The following CAMTA2 variants were observed in gnomAD, a reference collection of about 807,000 sequenced individuals.
CAMTA2 encodes the protein calmodulin binding transcription activator 2.
A neutral mutation model predicts 135.7 loss-of-function variants in CAMTA2; 56 were observed. That is an observed-to-expected ratio of 0.41 (90% CI 0.33 to 0.52). CAMTA2 has a LOEUF of 0.52. CAMTA2 is among the 20% of genes least tolerant of loss of function. CAMTA2 has a pLI of 0.16. For missense variants in CAMTA2, 1,358 were observed against 1,553.4 expected, an observed-to-expected ratio of 0.87 and a Z score of 2.11; for synonymous variants, 591 against 604.6, an observed-to-expected ratio of 0.98 and a Z score of 0.33.
intron 3 of CAMTA2, 64 bp from the exon 4 acceptor site, chr17:4,983,107 G>A (rs1364143185): frequency 1.6e-5 from 21 of 1,350,912 alleles, no homozygotes; most frequent in Non-Finnish European, 9.6e-6. Flanking sequence ...TGGCCTCTTG[G>A]TCATCCTGTC....
chr17:4,976,512 CAACATGGCG>C (rs1451504305), intron 11 of CAMTA2, among the ~76,000 whole-genome samples: 2 of 151,938 alleles, frequency 1.3e-5, no homozygotes, highest in Non-Finnish European at 2.9e-5. Flanking sequence ...CCAGCCTGGC[CAACATGGCG>C]AAACCTCATC....
At chr17:4,973,865 T>C in intron 12 of CAMTA2, 96 bp from the exon 13 acceptor site, 1 of 1,114,526 alleles carries the variant, frequency 9.0e-7, no homozygotes, top group Non-Finnish European at 1.3e-6. Context: ...CAGCTTCTAA[T>C]TTTGCCCCCT....
At position 4,969,015 on chromosome 17, in the gene CAMTA2, A is replaced by T; in HGVS notation, c.3471-34T>A. ...AGAAACAAAAGATGGACCTCACAGA[A>T]GGCATCGCATGCCTTCGGCCCCCCC... On this transcript the variant is annotated intron_variant, in intron 21 of 22. Coordinates refer to ENST00000348066, the MANE Select transcript of CAMTA2 (RefSeq NM_015099.4). The surrounding 1 kb of genome is among the most constrained non-coding windows in gnomAD (Gnocchi z 5.6). 1 of 1,608,790 alleles carries T rather than the reference A, an allele frequency of 6.2e-7. No homozygotes were observed. Among genetic ancestry groups the T allele is most frequent in the Admixed American group, 1.7e-5 (1 of 59,288 alleles).
At chr17:4,975,411 TAA>T (rs1170465680) in intron 11 of CAMTA2, among the ~76,000 whole-genome samples, 4 of 151,808 alleles carry the variant, frequency 2.6e-5, no homozygotes, top group South Asian at 4.2e-4. Context: ...GAAAGGACGA[TAA>T]AAGACAGGCA....
In CAMTA2 at chr17:4,980,536, G is replaced by A. The variant is rs575541552; in HGVS notation, c.786C>T (p.Thr262=). The A allele has an allele frequency of 3.2e-5, 51 of 1,613,698 alleles. No individual in the cohort carries two copies. The South Asian group carries it at 5.5e-4, about 17-fold the overall frequency. The change falls in exon 9 of 23, where the codon ACC becomes ACT. Residue 262 remains threonine, a synonymous_variant. Coordinates refer to ENST00000348066, the MANE Select transcript of CAMTA2 (RefSeq NM_015099.4). This position sits in a 1 kb window ranked among gnomAD's most constrained non-coding sequence, Gnocchi z 5.3. The part of the protein sequence containing the change: ...PKVEPRALTL[T]SIPHAHPPEP... ...CTGGGGGGTGAGCGTGGGGGATAGA[G>A]GTCAGGGTTAAAGCTCGGGGCTCCA...
chr17:4,969,115 G>T lies in CAMTA2; in HGVS notation c.3470+35C>A. On this transcript the variant is annotated intron_variant, in intron 21 of 22. Coordinates refer to ENST00000348066, the MANE Select transcript of CAMTA2 (RefSeq NM_015099.4). The surrounding 1 kb of genome is among the most constrained non-coding windows in gnomAD (Gnocchi z 5.6). ...AGTAAGGGGGAATGGCGTGGATGCAGTGGGTGGGCACAGAGGGCTGGGGCT... is the reference window on the plus strand; with the variant it reads ...AGTAAGGGGGAATGGCGTGGATGCATTGGGTGGGCACAGAGGGCTGGGGCT... 6.3e-7 allele frequency: 1 copy of T among 1,591,924 alleles called. No homozygotes were observed. Among genetic ancestry groups the T allele is most frequent in the Non-Finnish European group, 8.6e-7 (1 of 1,168,826 alleles).
intron 13 of CAMTA2, 94 bp downstream of exon 13, chr17:4,973,491 C>T: frequency 1.5e-6 from 2 of 1,332,776 alleles, no homozygotes; most frequent in South Asian, 2.6e-5. Context: ...CCAACTCCCT[C>T]TTGGTAGGGC....
intron 8 of CAMTA2, 65 bp downstream of exon 8, chr17:4,981,160 C>A: frequency 6.4e-7 from 1 of 1,570,414 alleles, no homozygotes; most frequent in South Asian, 1.2e-5. Flanking sequence ...TGGATATCCC[C>A]CTGGCTTGCG....
chr17:4,985,964 C>A lies in CAMTA2; in HGVS notation c.51G>T (p.Lys17Asn). The change falls in exon 3 of 23, where the codon AAG (lysine) becomes AAT (asparagine). Residue 17 changes from lysine (K) to asparagine (N), a missense_variant. Physicochemically the swap from Lys to Asn is moderately conservative, Grantham distance 94 (BLOSUM62 0). Transcript: ENST00000348066. The stretch of plus-strand genomic sequence containing the variant: ...CCAGCAGCTTCTTGGGGAGAAAGAT[C>A]TTCAGGTGGTGGCTGTTTTCTAAAG... ...TEVAENSHHL[K>N]IFLPKKLLEC... The A allele has an allele frequency of 6.2e-7, 1 of 1,613,764 alleles. No individual in the cohort carries two copies. The highest frequency in any genetic ancestry group is 8.5e-7 in the Non-Finnish European group (1 of 1,179,666).
Position 4,968,936 on chromosome 17 carries a change from G to T in CAMTA2, c.3516C>A (p.Ile1172=). ...GTCGGCAGCGCCGCAGGAATCTCAT[G>T]ATCTTCCGGGCTGCCTGGTCCTGCT... ...TKKQDQAARK[I]MRFLRRCRHR... Residue 1172 remains isoleucine, a synonymous_variant, in exon 22 of 23, where the codon ATC becomes ATA. Coordinates refer to ENST00000348066, the MANE Select transcript of CAMTA2 (RefSeq NM_015099.4). The T allele has an allele frequency of 6.2e-7, 1 of 1,614,170 alleles. No individual in the cohort carries two copies. Among genetic ancestry groups the T allele is most frequent in the East Asian group, 2.2e-5 (1 of 44,882 alleles).
Position 4,972,213 on chromosome 17 carries a change from C to T in CAMTA2, c.2808+19G>A, listed in dbSNP as rs767167987. On this transcript the variant is annotated intron_variant, in intron 16 of 22. Transcript: ENST00000348066. The stretch of plus-strand genomic sequence containing the variant: ...TACTCCACTTCTAGCCCCCATAACT[C>T]CATCAATATAAGCAGTACCGGGATC... 1.9e-6 allele frequency: 3 copies of T among 1,600,696 alleles called. No homozygotes were observed. Among genetic ancestry groups the T allele is most frequent in the Non-Finnish European group, 2.6e-6 (3 of 1,171,134 alleles).
chr17:4,978,054 A>G (rs1027431612), intron 10 of CAMTA2, among the ~76,000 whole-genome samples: 4 of 152,240 alleles, frequency 2.6e-5, no homozygotes, highest in African/African-American at 9.6e-5. Flanking sequence ...TGGCTACCAT[A>G]CTGGACAGCA....
intron 16 of CAMTA2, among the ~76,000 whole-genome samples, chr17:4,970,958 A>G (rs1972246596): frequency 6.6e-6 from 1 of 152,214 alleles, no homozygotes; most frequent in Admixed American, 6.5e-5. Context: ...GAATGGCTCC[A>G]GTCTGGCCTT....
chr17:4,983,106 G>A, intron 3 of CAMTA2, 63 bp from the exon 4 acceptor site: 3 of 1,376,638 alleles, frequency 2.2e-6, no homozygotes, highest in Admixed American at 1.7e-5. Context: ...CTGGCCTCTT[G>A]GTCATCCTGT....
intron 9 of CAMTA2, 70 bp from the exon 10 acceptor site, chr17:4,978,700 G>C (rs963708348): frequency 3.2e-6 from 5 of 1,549,782 alleles, no homozygotes; most frequent in Non-Finnish European, 4.4e-6. Context: ...CATTTATTCA[G>C]ACCCTTACAG....
In CAMTA2 at chr17:4,969,094, A is replaced by C; in HGVS notation, c.3470+56T>G. ...GGCATGATGATCAAGAGGATGAGTA[A>C]GGGGGAATGGCGTGGATGCAGTGGG... is the stretch of plus-strand genomic sequence containing the variant. On this transcript the variant is annotated intron_variant, in intron 21 of 22. Coordinates refer to ENST00000348066, the MANE Select transcript of CAMTA2 (RefSeq NM_015099.4). This position sits in a 1 kb window ranked among gnomAD's most constrained non-coding sequence, Gnocchi z 5.6. 1 of 1,583,232 alleles carries C rather than the reference A, an allele frequency of 6.3e-7. No individual in the cohort carries two copies. The highest frequency in any genetic ancestry group is 8.6e-7 in the Non-Finnish European group (1 of 1,160,200).
At position 4,969,978 on chromosome 17, in the gene CAMTA2, A is replaced by G. The variant is rs1972166662; in HGVS notation, c.3113T>C (p.Leu1038Pro). Residue 1038 changes from leucine to proline, a missense_variant, in exon 18 of 23, where the codon CTG (leucine) becomes CCG (proline). Coordinates refer to ENST00000348066, the MANE Select transcript of CAMTA2 (RefSeq NM_015099.4). This position sits in a 1 kb window ranked among gnomAD's most constrained non-coding sequence, Gnocchi z 5.6. ...CCGCTGCTCGTGATCTGATAGTGTC[A>G]GCAGGGCAAAATCACTTTCCATCTT... ...SGKMESDFAL[L>P]TLSDHEQREL... 6.2e-7 allele frequency: 1 copy of G among 1,614,056 alleles called. No homozygotes were observed. Among genetic ancestry groups the G allele is most frequent in the Non-Finnish European group, 8.5e-7 (1 of 1,180,022 alleles).
In CAMTA2 at chr17:4,969,130, G is replaced by A. The variant is rs770392542; in HGVS notation, c.3470+20C>T. 3 of 1,599,360 alleles carry A rather than the reference G, an allele frequency of 1.9e-6. No homozygotes were observed. Among genetic ancestry groups the A allele is most frequent in the East Asian group, 4.5e-5 (2 of 44,818 alleles). On this transcript the variant is annotated intron_variant, in intron 21 of 22. Transcript: ENST00000348066. This position sits in a 1 kb window ranked among gnomAD's most constrained non-coding sequence, Gnocchi z 5.6. Reference sequence around the variant, plus strand: ...CGTGGATGCAGTGGGTGGGCACAGAGGGCTGGGGCTGGGCCCTACTTGTTG... The same window carrying A: ...CGTGGATGCAGTGGGTGGGCACAGAAGGCTGGGGCTGGGCCCTACTTGTTG...
In CAMTA2 at chr17:4,969,793, AC is replaced by A. The variant is rs766554495; in HGVS notation, c.3190-93del. 2.1e-5 allele frequency: 34 copies of A among 1,592,284 alleles called. No homozygotes were observed. Among genetic ancestry groups the A allele is most frequent in the Admixed American group, 3.3e-5 (2 of 59,850 alleles). The stretch of plus-strand genomic sequence containing the variant: ...TTTCCTGGGGTTCCCCTGACCCTTT[AC>A]CCCATCCAAGGCCTGTCTGCACGAC... On this transcript the variant is annotated intron_variant, in intron 18 of 22. Transcript: ENST00000348066. The surrounding 1 kb of genome is among the most constrained non-coding windows in gnomAD (Gnocchi z 5.6).
Sources: allele counts gnomAD v4.1 joint callset (sites outside exome capture counted in the v4.1 genomes callset), GRCh38; gene constraint gnomAD v4.1.1; non-coding constraint Gnocchi (gnomAD v3.1); transcripts MANE v1.5; gene names NCBI Gene and HGNC (gene_info 2026-07-23, HGNC 2026-07-21).